The following ERV3-1 variants were observed in gnomAD, a reference collection of about 807,000 sequenced individuals.
ERV3-1 encodes endogenous retrovirus group 3 member 1 Env polyprotein.
Under a neutral mutation model 24.6 loss-of-function variants are expected in ERV3-1, and 36 were observed. The ratio of observed to expected loss-of-function variants is 1.47; its 90% CI spans 1.12 to 1.94. The LOEUF (loss-of-function observed/expected upper bound fraction) is 1.94. Ranked by LOEUF, ERV3-1 falls within the 30% of genes most tolerant of loss-of-function variation. The pLI is 0.00. For synonymous variants in ERV3-1, 211 were observed against 122.6 expected, an observed-to-expected ratio of 1.72 and a Z score of -4.76; for missense variants, 578 against 330.9, an observed-to-expected ratio of 1.75 and a Z score of -5.79.
In ERV3-1 at chr7:64,991,692, G is replaced by A. The variant is rs1489365305; in HGVS notation, c.1335C>T (p.Ser445=). ...GACVLGTIRP[S]FFLMPLKQGE... is the part of the protein sequence containing the mutation. ...CCTGTTTTAGGGGCATTAGGAAGAA[G>A]GACGGCCTAATTGTCCCCAGTACAC... Residue 445 remains serine, a synonymous_variant, in exon 2 of 2, where the codon TCC becomes TCT. Coordinates refer to ENST00000394323, the MANE Select transcript of ERV3-1 (RefSeq NM_001007253.4). 2 of 742,930 alleles carry A rather than the reference G, an allele frequency of 2.7e-6. No individual in the cohort carries two copies. Among genetic ancestry groups the A allele is most frequent in the Non-Finnish European group, 4.9e-6 (2 of 406,396 alleles). The allele number at this position is 742,930 out of a possible 1,614,324, so 46.0% of individuals were successfully genotyped here. A position where few individuals can be genotyped will look rare whatever the true frequency, so the allele number is the denominator to read the frequency against.
In ERV3-1 at chr7:64,992,988, C is replaced by A. The variant is rs773495678; in HGVS notation, c.39G>T (p.Leu13Phe). 5 of 765,028 alleles carry A rather than the reference C, an allele frequency of 6.5e-6. No individual in the cohort carries two copies. Among genetic ancestry groups the A allele is most frequent in the Middle Eastern group, 4.6e-4 (2 of 4,334 alleles). 47.4% of individuals were successfully genotyped at this position (765,028 alleles called of 1,614,324 possible). The change falls in exon 2 of 2, where the codon TTG (leucine) becomes TTT (phenylalanine). Residue 13 changes from leucine to phenylalanine, a missense_variant. By Grantham distance (22) the Leu-to-Phe change is conservative. Coordinates refer to ENST00000394323, the MANE Select transcript of ERV3-1 (RefSeq NM_001007253.4). ...GMNMLLITLF[L>F]LLPLSMLKGE... ...CTTTTAACATGGATAAGGGGAGTAGCAAGAACAAAGTGATGAGTAGCATGT... is the reference window on the plus strand; with the variant it reads ...CTTTTAACATGGATAAGGGGAGTAGAAAGAACAAAGTGATGAGTAGCATGT...
At chr7:65,000,032 C>T (rs1476128763) in intron 1 of ERV3-1, among the ~76,000 whole-genome samples, 3 of 152,140 alleles carry the variant, frequency 2.0e-5, no homozygotes, top group African/African-American at 7.2e-5. Context: ...TTGACCCAGG[C>T]ACCTCATAAT....
Position 64,992,461 on chromosome 7 carries a change from T to C in ERV3-1, c.566A>G (p.Glu189Gly), listed in dbSNP as rs1354590488. 1 of 766,250 alleles carries C rather than the reference T, an allele frequency of 1.3e-6. No homozygotes were observed. The highest frequency in any genetic ancestry group is 2.4e-6 in the Non-Finnish European group (1 of 417,914). 47.5% of individuals were successfully genotyped at this position (766,250 alleles called of 1,614,324 possible). ...GCAAGTGCTTGTTTTACAATCTGGT[T>C]CTAATGGTATTTTGGTAAGCATAAT... Reference protein sequence around the residue: ...GPIMLTKIPLEPDCKTSTCNS... With the variant: ...GPIMLTKIPLGPDCKTSTCNS... The change falls in exon 2 of 2, where the codon GAA becomes GGA. Residue 189 changes from glutamate to glycine, a missense_variant. Coordinates refer to ENST00000394323, the MANE Select transcript of ERV3-1 (RefSeq NM_001007253.4).
intron 1 of ERV3-1, among the ~76,000 whole-genome samples, chr7:65,000,700 G>A (rs1411156139): frequency 6.6e-6 from 1 of 152,156 alleles, no homozygotes; most frequent in African/African-American, 2.4e-5. Flanking sequence ...TAGAAGGATT[G>A]TTTGCACCAG....
intron 1 of ERV3-1, among the ~76,000 whole-genome samples, chr7:64,997,467 A>G (rs956473027): frequency 6.6e-6 from 1 of 152,134 alleles, no homozygotes; most frequent in African/African-American, 2.4e-5. Context: ...CAGGACTTTA[A>G]TTAGTCTCCT....
At chr7:65,001,492 T>G (rs187816741) in intron 1 of ERV3-1, among the ~76,000 whole-genome samples, 1 of 152,306 alleles carries the variant, frequency 6.6e-6, no homozygotes, top group Admixed American at 6.5e-5. Flanking sequence ...CTGGGAGGTG[T>G]GAACACATCA....
Position 64,991,735 on chromosome 7 carries a change from G to T in ERV3-1, c.1292C>A (p.Ala431Asp). The T allele has an allele frequency of 1.3e-6, 1 of 765,432 alleles. No homozygotes were observed. The highest frequency in any genetic ancestry group is 1.3e-5 in the South Asian group (1 of 74,414). 47.4% of individuals were successfully genotyped at this position (765,432 alleles called of 1,614,324 possible). Residue 431 changes from alanine to aspartate, a missense_variant, in exon 2 of 2, where the codon GCT becomes GAT. By Grantham distance (126) the Ala-to-Asp change is moderately radical. Coordinates refer to ENST00000394323, the MANE Select transcript of ERV3-1 (RefSeq NM_001007253.4). ...CAGTACACAGGCCCCTGACCATTTAGCTGGCAGTTGTCGATATGCTTGTGG... is the reference window on the plus strand; with the variant it reads ...CAGTACACAGGCCCCTGACCATTTATCTGGCAGTTGTCGATATGCTTGTGG... The part of the protein sequence containing the change: ...CGPQAYRQLP[A>D]KWSGACVLGT...
chr7:64,992,120 G>A lies in ERV3-1; in HGVS notation c.907C>T (p.Gln303Ter), dbSNP rs916260368. 3 of 766,326 alleles carry A rather than the reference G, an allele frequency of 3.9e-6. No homozygotes were observed. The Middle Eastern group carries it at 6.8e-4, about 173-fold the overall frequency. 47.5% of individuals were successfully genotyped at this position (766,326 alleles called of 1,614,324 possible). ...AGTTCCCTTGCTTCCCATGGCCATT[G>A]GTCTCCCATGTTCATTCCCCCACAG... The part of the protein sequence containing the change: ...YVCGGMNMGD[Q>*]WPWEARELMP... Residue 303 changes from glutamine to a stop codon, truncating the protein, a stop_gained, in exon 2 of 2, where the codon CAA becomes TAA. Transcript: ENST00000394323. LOFTEE classifies it high-confidence loss of function.
chr7:65,006,249 C>A, intron 1 of ERV3-1: 1 of 501,150 alleles, frequency 2.0e-6, no homozygotes, highest in South Asian at 2.2e-5. Flanking sequence ...TCCAGTGGTC[C>A]CTGCACAATC....
rs200119863 is a variant in ERV3-1 at position 64,991,699 on chromosome 7, C to A, written c.1328G>T (p.Arg443Met). 28 of 751,552 alleles carry A rather than the reference C, an allele frequency of 3.7e-5. No homozygotes were observed. Among genetic ancestry groups the A allele is most frequent in the Admixed American group, 5.4e-5 (3 of 55,924 alleles). 46.6% of individuals were successfully genotyped at this position (751,552 alleles called of 1,614,324 possible). A position where few individuals can be genotyped will look rare whatever the true frequency, so the allele number is the denominator to read the frequency against. Reference protein sequence around the residue: ...WSGACVLGTIRPSFFLMPLKQ... With the variant: ...WSGACVLGTIMPSFFLMPLKQ... ...TAGGGGCATTAGGAAGAAGGACGGC[C>A]TAATTGTCCCCAGTACACAGGCCCC... The change falls in exon 2 of 2, where the codon AGG becomes ATG. Residue 443 changes from arginine (R) to methionine (M), a missense_variant. By Grantham distance (91) the Arg-to-Met change is moderately conservative (BLOSUM62 -1). Coordinates refer to ENST00000394323, the MANE Select transcript of ERV3-1 (RefSeq NM_001007253.4).
intron 1 of ERV3-1, among the ~76,000 whole-genome samples, chr7:64,998,496 A>G (rs1392074876): frequency 1.6e-4 from 25 of 152,086 alleles, no homozygotes. Flanking sequence ...AGAGTTCTCA[A>G]CCTCTGGGGG....
rs765502310 is a variant in ERV3-1, at chr7:64,991,636, T to G, written c.1391A>C (p.Glu464Ala). 3.3e-5 allele frequency: 23 copies of G among 705,080 alleles called. No homozygotes were observed. The highest frequency in any genetic ancestry group is 3.2e-4 in the South Asian group (22 of 67,742). 43.7% of individuals were successfully genotyped at this position (705,080 alleles called of 1,614,324 possible). Residue 464 changes from glutamate to alanine, a missense_variant, in exon 2 of 2, where the codon GAA becomes GCA. By Grantham distance (107) the Glu-to-Ala change is moderately radical (BLOSUM62 -1). Transcript: ENST00000394323. Reference protein sequence around the residue: ...GEALGYPIYDETKRKSKRGIT... With the variant: ...GEALGYPIYDATKRKSKRGIT... ...GCCTCTTTTGCTTTTCCTTTTAGTT[T>G]CATCATAGATGGGGTATCCTAAGGC...
In ERV3-1 at chr7:64,992,733, T is replaced by C. The variant is rs772249740; in HGVS notation, c.294A>G (p.Ser98=). The C allele has an allele frequency of 3.9e-6, 3 of 766,442 alleles. No homozygotes were observed. The highest frequency in any genetic ancestry group is 7.2e-6 in the Non-Finnish European group (3 of 417,908). The allele number at this position is 766,442 out of a possible 1,614,324, so 47.5% of individuals were successfully genotyped here. ...PGTWFEIHVG[S]KEGDLLNQTK... is the part of the protein sequence containing the mutation. ...TTTGGTTTAGAAGATCCCCTTCCTT[T>C]GACCCGACATGAATTTCAAACCAGG... The change falls in exon 2 of 2, where the codon TCA becomes TCG. Residue 98 remains serine (S), a synonymous_variant. Coordinates refer to ENST00000394323, the MANE Select transcript of ERV3-1 (RefSeq NM_001007253.4).
chr7:64,991,948 A>G lies in ERV3-1; in HGVS notation c.1079T>C (p.Leu360Ser), dbSNP rs2129122144. The G allele has an allele frequency of 1.3e-6, 1 of 766,356 alleles. No individual in the cohort carries two copies. The highest frequency in any genetic ancestry group is 1.7e-5 in the Admixed American group (1 of 59,024). 47.5% of individuals were successfully genotyped at this position (766,356 alleles called of 1,614,324 possible). A position where few individuals can be genotyped will look rare whatever the true frequency, so the allele number is the denominator to read the frequency against. The change falls in exon 2 of 2, where the codon TTA (leucine) becomes TCA (serine). Residue 360 changes from leucine to serine, a missense_variant. Leu to Ser is a moderately radical substitution (Grantham distance 145). Transcript: ENST00000394323. ...GTAATATTGTTGTCCTAGGCAAGTT[A>G]ACTCTCCTACTGGGTCTGTAAAGGC... ...GKAFTDPVGE[L>S]TCLGQQYYNE...
rs372632207 is a variant in ERV3-1, at chr7:64,991,745, G to C, written c.1282C>G (p.Gln428Glu). 4 of 765,990 alleles carry C rather than the reference G, an allele frequency of 5.2e-6. No homozygotes were observed. Among genetic ancestry groups the C allele is most frequent in the Non-Finnish European group, 9.6e-6 (4 of 417,820 alleles). The allele number at this position is 765,990 out of a possible 1,614,324, so 47.4% of individuals were successfully genotyped here. A position where few individuals can be genotyped will look rare whatever the true frequency, so the allele number is the denominator to read the frequency against. ...YWICGPQAYR[Q>E]LPAKWSGACV... is the part of the protein sequence containing the mutation. ...GCCCCTGACCATTTAGCTGGCAGTT[G>C]TCGATATGCTTGTGGCCCACAGATC... The change falls in exon 2 of 2, where the codon CAA (glutamine) becomes GAA (glutamate). Residue 428 changes from glutamine to glutamate, a missense_variant. By Grantham distance (29) the Gln-to-Glu change is conservative. Coordinates refer to ENST00000394323, the MANE Select transcript of ERV3-1 (RefSeq NM_001007253.4).
intron 1 of ERV3-1, 178 bp downstream of exon 1, chr7:65,006,363 C>T: frequency 9.3e-7 from 1 of 1,071,354 alleles, no homozygotes. Flanking sequence ...TCCGAGCTGT[C>T]AGCCCGGCCG....
rs561131678 is a variant in ERV3-1 at position 64,997,486 on chromosome 7, T to C, written c.-388-4072A>G. ...ACTTTAATTAGTCTCCTGCAGCACT[T>C]CCAAGATTTTCCCCGTGTTGACTGC... On this transcript the variant is annotated intron_variant, in intron 1 of 1. Transcript: ENST00000394323. Among the ~76,000 whole-genome samples, 13 of 152,288 alleles carry C rather than the reference T, an allele frequency of 8.5e-5. No individual in the cohort carries two copies. The South Asian group carries it at 2.7e-3, about 32-fold the overall frequency.
intron 1 of ERV3-1, among the ~76,000 whole-genome samples, chr7:65,001,565 G>A (rs1786524968): frequency 6.6e-6 from 1 of 152,146 alleles, no homozygotes; most frequent in African/African-American, 2.4e-5. Flanking sequence ...GGGAAAAGGA[G>A]GTCTGCTATA....
rs545559670 is a variant in ERV3-1 at position 64,993,244 on chromosome 7, T to C, written c.-218A>G. ...CCTCAAGCTTCAGCCGTGTGTGGAC[T>C]GGTCAGCTTCCGGAGTGACCAGAGC... is the stretch of plus-strand genomic sequence containing the variant. On this transcript the variant is annotated 5_prime_UTR_variant, in exon 2 of 2. Coordinates refer to ENST00000394323, the MANE Select transcript of ERV3-1 (RefSeq NM_001007253.4). 2.8e-5 allele frequency: 15 copies of C among 535,324 alleles called. No individual in the cohort carries two copies. The highest frequency in any genetic ancestry group is 2.6e-4 in the African/African-American group (14 of 52,916). The allele number at this position is 535,324 out of a possible 1,614,324, so 33.2% of individuals were successfully genotyped here. A position where few individuals can be genotyped will look rare whatever the true frequency, so the allele number is the denominator to read the frequency against.
Sources: gnomAD v4.1 joint callset for allele counts (sites outside exome capture counted in the v4.1 genomes callset) on GRCh38, gnomAD v4.1.1 for gene constraint, MANE v1.5 for transcripts, NCBI Gene and HGNC (gene_info 2026-07-23, HGNC 2026-07-21) for gene names.